COMP: variants seen among roughly 807,000 people sequenced by gnomAD.
The protein encoded by COMP is cartilage oligomeric matrix protein (pseudoachondroplasia, epiphyseal dysplasia 1, multiple).
In COMP, 79 loss-of-function variants were observed where a neutral mutation model predicts 95.8. The observed-to-expected ratio is 0.82, with a 90% CI of 0.69 to 0.99. The LOEUF (loss-of-function observed/expected upper bound fraction) is 0.99, where lower values mean the gene tolerates loss of function less well. Among genes scored for constraint, COMP ranks in the 50% least tolerant of loss-of-function variants. The probability of loss-of-function intolerance (pLI) is 0.00; values close to 1 mark genes in which losing one functional copy is unlikely to be tolerated. For synonymous variants in COMP, 438 were observed against 433.9 expected, an observed-to-expected ratio of 1.01 and a Z score of -0.12; for missense variants, 906 against 1,076.1, an observed-to-expected ratio of 0.84 and a Z score of 2.21.
rs143714206 is a variant in COMP, at chr19:18,785,966, G to T, written c.1488C>A (p.Asp496Glu). ...CCGCAGGCCCCGCCCCCGCCGTACT[G>T]TCCGCGTCCTCCTGGCCGGGGTTAG... ...LVPNPGQEDA[D>E]RDGVGDVCQD... Residue 496 changes from aspartate (D) to glutamate (E), a missense_variant and splice_region_variant, in exon 13 of 19, where the codon GAC becomes GAA. By Grantham distance (45) the Asp-to-Glu change is conservative. Coordinates refer to ENST00000222271, the MANE Select transcript of COMP (RefSeq NM_000095.3). 1.5e-4 allele frequency: 241 copies of T among 1,606,838 alleles called. 1 individual carries two copies. The African/African-American group carries it at 2.7e-3, about 18-fold the overall frequency.
intron 15 of COMP, 79 bp downstream of exon 15, chr19:18,785,419 C>T: frequency 1.3e-6 from 2 of 1,566,948 alleles, no homozygotes; most frequent in Admixed American, 3.4e-5. Context: ...CGCCCATTCT[C>T]AGCCCGGGCC....
In COMP at chr19:18,788,806, C is replaced by A. The variant is rs1446438284; in HGVS notation, c.603+33G>T. ...GCCGCCCGCCGCTCGCCCCACCTCC[C>A]GCGATCCTTTCTTCCTCCCCAGCGG... On this transcript the variant is annotated intron_variant, in intron 6 of 18. Transcript: ENST00000222271. The surrounding 1 kb of genome is among the most constrained non-coding windows in gnomAD (Gnocchi z 4.7). 6.2e-7 allele frequency: 1 copy of A among 1,612,018 alleles called. No individual in the cohort carries two copies. Among genetic ancestry groups the A allele is most frequent in the African/African-American group, 1.3e-5 (1 of 75,030 alleles).
At chr19:18,787,466 G>T in intron 10 of COMP, 25 bp downstream of exon 10, 3 of 1,603,290 alleles carry the variant, frequency 1.9e-6, no homozygotes, top group Non-Finnish European at 2.5e-6. Context: ...GCCTCTCCTC[G>T]CCCCCCAACC....
chr19:18,783,856 C>T (rs995337832), intron 17 of COMP, among the ~76,000 whole-genome samples: 2 of 152,104 alleles, frequency 1.3e-5, no homozygotes, highest in African/African-American at 2.4e-5. Flanking sequence ...GTGATCCACC[C>T]GCCTCGGCCT....
intron 15 of COMP, among the ~76,000 whole-genome samples, 154 bp downstream of exon 15, chr19:18,785,344 C>A (rs1385171057): frequency 6.6e-6 from 1 of 151,122 alleles, no homozygotes; most frequent in African/African-American, 2.4e-5. Flanking sequence ...CTCCCGGGCC[C>A]GCCCATATAA....
intron 15 of COMP, 117 bp downstream of exon 15, chr19:18,785,381 T>C (rs1362740982): frequency 1.5e-5 from 10 of 654,146 alleles, no homozygotes; most frequent in Admixed American, 1.5e-4. Context: ...CCGCCCTTCC[T>C]GAGCCCGGGC....
chr19:18,790,689 G>T (rs1163894563), intron 2 of COMP, 76 bp from the exon 3 acceptor site: 16 of 1,612,348 alleles, frequency 9.9e-6, no homozygotes, highest in Non-Finnish European at 1.3e-5. Flanking sequence ...CTACCCCGGG[G>T]TCCCTTTCTA....
intron 10 of COMP, 21 bp from the exon 11 acceptor site, chr19:18,786,671 A>C (rs1054023623): frequency 6.3e-7 from 1 of 1,579,792 alleles, no homozygotes; most frequent in Non-Finnish European, 8.7e-7. Context: ...CCACGGGACC[A>C]GAGCCCCAAG....
chr19:18,787,744 T>A, intron 9 of COMP, 94 bp from the exon 10 acceptor site: 2 of 1,558,746 alleles, frequency 1.3e-6, no homozygotes, highest in South Asian at 2.2e-5. Context: ...CGTCTCCTCC[T>A]CAAGGAACCT....
Position 18,790,589 on chromosome 19 carries a change from T to G in COMP, c.190A>C (p.Asn64His). The G allele has an allele frequency of 6.2e-7, 1 of 1,613,830 alleles. No individual in the cohort carries two copies. The highest frequency in any genetic ancestry group is 2.2e-5 in the East Asian group (1 of 44,842). Residue 64 changes from asparagine to histidine, a missense_variant, in exon 3 of 19, where the codon AAC becomes CAC. Coordinates refer to ENST00000222271, the MANE Select transcript of COMP (RefSeq NM_000095.3). ...CACGCGTCACACTCCATCACCGTGT[T>G]TTTCAGGAACGTGATCTCCCTGACC... ...QQVREITFLK[N>H]TVMECDACGM...
Position 18,788,352 on chromosome 19 carries a change from G to A in COMP, c.868-33C>T. ...CGGGCACAGAAGGTGTGAGGGGCGC[G>A]GTCATGAAGTCCCGCCCTCCCTCCT... On this transcript the variant is annotated intron_variant, in intron 8 of 18. Transcript: ENST00000222271. This position sits in a 1 kb window ranked among gnomAD's most constrained non-coding sequence, Gnocchi z 4.7. 1 of 1,607,556 alleles carries A rather than the reference G, an allele frequency of 6.2e-7. No individual in the cohort carries two copies. The highest frequency in any genetic ancestry group is 8.5e-7 in the Non-Finnish European group (1 of 1,178,776).
chr19:18,789,178 G>A lies in COMP; in HGVS notation c.510C>T (p.Phe170=). 2 of 1,579,710 alleles carry A rather than the reference G, an allele frequency of 1.3e-6. No individual in the cohort carries two copies. The highest frequency in any genetic ancestry group is 1.7e-6 in the Non-Finnish European group (2 of 1,167,550). ...CTCTCACCTGCTTGTTGGCCTTGGC[G>A]AAAGCCAGCCCCACGCCCTGGTGGG... ...GPTHQGVGLA[F]AKANKQVCTD... Residue 170 remains phenylalanine, a synonymous_variant, in exon 5 of 19, where the codon TTC becomes TTT. Coordinates refer to ENST00000222271, the MANE Select transcript of COMP (RefSeq NM_000095.3). The surrounding 1 kb of genome is among the most constrained non-coding windows in gnomAD (Gnocchi z 6.1).
At position 18,789,845 on chromosome 19, in the gene COMP, G is replaced by T. The variant is rs2055198218; in HGVS notation, c.390+97C>A. The T allele has an allele frequency of 2.1e-6, 3 of 1,443,176 alleles. No homozygotes were observed. The highest frequency in any genetic ancestry group is 1.4e-5 in the African/African-American group (1 of 71,776). 89.4% of individuals were successfully genotyped at this position (1,443,176 alleles called of 1,614,324 possible). A position where few individuals can be genotyped will look rare whatever the true frequency, so the allele number is the denominator to read the frequency against. On this transcript the variant is annotated intron_variant, in intron 4 of 18. Coordinates refer to ENST00000222271, the MANE Select transcript of COMP (RefSeq NM_000095.3). The surrounding 1 kb of genome is among the most constrained non-coding windows in gnomAD (Gnocchi z 6.1). ...CCGGAGGTGAGAGGCTCTTCGGGGC[G>T]AACACTCCCAGTGGAGGAAGGGGTC... is the stretch of plus-strand genomic sequence containing the variant.
chr19:18,789,358 C>A lies in COMP; in HGVS notation c.391-61G>T. The A allele has an allele frequency of 7.2e-7, 1 of 1,398,036 alleles. No homozygotes were observed. The allele number at this position is 1,398,036 out of a possible 1,614,324, so 86.6% of individuals were successfully genotyped here. ...TCGAGCTGGGCCCTGGGGGCCGCAC[C>A]TCGTAGTGTCTCGGATGTGGAAAGT... is the stretch of plus-strand genomic sequence containing the variant. On this transcript the variant is annotated intron_variant, in intron 4 of 18. Transcript: ENST00000222271. This position sits in a 1 kb window ranked among gnomAD's most constrained non-coding sequence, Gnocchi z 6.1.
rs760526046 is a variant in COMP at position 18,790,008 on chromosome 19, G to A, written c.324C>T (p.Gly108=). The A allele has an allele frequency of 4.4e-6, 7 of 1,588,242 alleles. No homozygotes were observed. The East Asian group carries it at 1.6e-4, about 36-fold the overall frequency. ...CCGCGGGGCAGGGGCCGCAGCGCGC[G>A]CCGCTCTCCGTCTGGATGCAGGCCA... ...PGVACIQTES[G]ARCGPCPAGF... is the part of the protein sequence containing the mutation. Residue 108 remains glycine, a synonymous_variant, in exon 4 of 19, where the codon GGC becomes GGT. Transcript: ENST00000222271.
intron 15 of COMP, 22 bp downstream of exon 15, chr19:18,785,476 A>G: frequency 1.2e-6 from 2 of 1,612,476 alleles, no homozygotes; most frequent in Non-Finnish European, 1.7e-6. Context: ...GTGGCAGGAT[A>G]GCGCTGCTCC....
In COMP at chr19:18,788,609, C is replaced by G; in HGVS notation, c.745G>C (p.Gly249Arg). The G allele has an allele frequency of 6.4e-7, 1 of 1,551,466 alleles. No individual in the cohort carries two copies. The highest frequency in any genetic ancestry group is 8.7e-7 in the Non-Finnish European group (1 of 1,148,030). Residue 249 changes from glycine to arginine, a missense_variant, in exon 7 of 19, where the codon GGC (glycine) becomes CGC (arginine). Gly to Arg is a moderately radical substitution (Grantham distance 125). Transcript: ENST00000222271. This position sits in a 1 kb window ranked among gnomAD's most constrained non-coding sequence, Gnocchi z 4.7. The part of the protein sequence containing the change: ...EHADCVLERD[G>R]SRSCVCAVGW... ...GCACTCACCACGCACGACCGCGAGC[C>G]ATCGCGCTCTAGGACGCAGTCTGCA...
rs996651303 is a variant in COMP, at chr19:18,789,185, A to G, written c.503T>C (p.Leu168Pro). ...YSGPTHQGVG[L>P]AFAKANKQVC... ...CTGCTTGTTGGCCTTGGCGAAAGCC[A>G]GCCCCACGCCCTGGTGGGTGGGGCC... Residue 168 changes from leucine to proline, a missense_variant, in exon 5 of 19, where the codon CTG becomes CCG. Physicochemically the swap from Leu to Pro is moderately conservative, Grantham distance 98. Coordinates refer to ENST00000222271, the MANE Select transcript of COMP (RefSeq NM_000095.3). The surrounding 1 kb of genome is among the most constrained non-coding windows in gnomAD (Gnocchi z 6.1). 1.2e-5 allele frequency: 19 copies of G among 1,576,748 alleles called. No homozygotes were observed. Among genetic ancestry groups the G allele is most frequent in the Non-Finnish European group, 1.6e-5 (19 of 1,166,514 alleles).
intron 2 of COMP, 114 bp from the exon 3 acceptor site, chr19:18,790,727 C>T (rs1320406079): frequency 2.5e-6 from 4 of 1,608,666 alleles, no homozygotes; most frequent in Non-Finnish European, 3.4e-6. Flanking sequence ...GGACTCCCTA[C>T]CCGCCGACCC....
Sources: gnomAD v4.1 joint callset for allele counts (sites outside exome capture counted in the v4.1 genomes callset) on GRCh38, gnomAD v4.1.1 for gene constraint, Gnocchi (gnomAD v3.1) non-coding constraint, MANE v1.5 for transcripts, NCBI Gene and HGNC (gene_info 2026-07-23, HGNC 2026-07-21) for gene names.